Variants in KLHL1 observed in about 807,000 individuals in gnomAD.
The protein encoded by KLHL1 is kelch like family member 1, also known as kelch-like protein 1.
A neutral mutation model predicts 77.7 loss-of-function variants in KLHL1; 47 were observed. The ratio of observed to expected loss-of-function variants is 0.60; its 90% CI spans 0.48 to 0.77. The LOEUF is 0.77. Among genes scored for constraint, KLHL1 ranks in the 30% least tolerant of loss-of-function variants. The pLI, the probability that KLHL1 is intolerant of heterozygous loss-of-function variation, is 0.00. For missense variants in KLHL1, 925 were observed against 910.8 expected (o/e 1.02, Z -0.20); for synonymous variants, 360 against 325.2 (o/e 1.11, Z -1.15).
intron 9 of KLHL1, among the ~76,000 whole-genome samples, chr13:69,708,109 A>AT (rs1875709904): frequency 6.6e-6 from 1 of 152,022 alleles, no homozygotes; most frequent in African/African-American, 2.4e-5. Flanking sequence ...GAATTAGGGT[A>AT]TTTAAAACAC....
At position 69,838,415 on chromosome 13, in the gene KLHL1, A is replaced by G. The variant is rs146563266; in HGVS notation, c.1414+561T>C. On this transcript the variant is annotated intron_variant, in intron 6 of 10. Transcript: ENST00000377844. ...GGACAAATTTTTGGAGATTTTTCCAATAACTCTAAAAACGTAAGAATAAAA... is the reference window on the plus strand; with the variant it reads ...GGACAAATTTTTGGAGATTTTTCCAGTAACTCTAAAAACGTAAGAATAAAA... 8.6e-4 allele frequency among the ~76,000 whole-genome samples: 130 copies of G among 151,956 alleles called. 2 individuals carry two copies. The highest frequency in any genetic ancestry group is 3.1e-3 in the African/African-American group (127 of 41,566).
rs980418852 is a variant in KLHL1, at chr13:70,071,398, C to A, written c.497+35805G>T. On this transcript the variant is annotated intron_variant, in intron 1 of 10. Transcript: ENST00000377844. ...AGAACTCCAAGGAAAAATAGATAAACCCCCTATGTTACAGACTTCAATGCA... is the reference window on the plus strand; with the variant it reads ...AGAACTCCAAGGAAAAATAGATAAAACCCCTATGTTACAGACTTCAATGCA... Among the ~76,000 whole-genome samples, 2 of 151,868 alleles carry A rather than the reference C, an allele frequency of 1.3e-5. 1 individual carries two copies. The highest frequency in any genetic ancestry group is 4.1e-4 in the South Asian group (2 of 4,824).
At chr13:69,835,688 G>A (rs576066280) in intron 6 of KLHL1, among the ~76,000 whole-genome samples, 1 of 152,102 alleles carries the variant, frequency 6.6e-6, no homozygotes, top group Admixed American at 6.6e-5. Context: ...AATATTACCT[G>A]ACACAGAAGG....
At chr13:70,054,538 A>G (rs1055802229) in intron 1 of KLHL1, among the ~76,000 whole-genome samples, 4 of 152,086 alleles carry the variant, frequency 2.6e-5, no homozygotes, top group Non-Finnish European at 1.5e-5. Flanking sequence ...TAATATTGTC[A>G]TGAACATTCT....
rs1036039613 is a variant in KLHL1 at position 69,781,916 on chromosome 13, A to C, written c.1639+14822T>G. On this transcript the variant is annotated intron_variant, in intron 7 of 10. Coordinates refer to ENST00000377844, the MANE Select transcript of KLHL1 (RefSeq NM_020866.3). Reference sequence around the variant, plus strand: ...TCTATTTTCCCATAATTTAATAGTCATTTTATTGCTTTTAAAGAGATGACA... The same window carrying C: ...TCTATTTTCCCATAATTTAATAGTCCTTTTATTGCTTTTAAAGAGATGACA... Among the ~76,000 whole-genome samples, 13 of 152,214 alleles carry C rather than the reference A, an allele frequency of 8.5e-5. 1 individual carries two copies. The highest frequency in any genetic ancestry group is 3.1e-4 in the African/African-American group (13 of 41,540).
rs978369779 is a variant in KLHL1 at position 69,937,075 on chromosome 13, G to T, written c.1014+2965C>A. Among the ~76,000 whole-genome samples the T allele has an allele frequency of 2.6e-5, 4 of 152,148 alleles. No homozygotes were observed. The East Asian group carries it at 7.7e-4, about 29-fold the overall frequency. ...AGAGAAAGGATTGCTGGATAAAAATGTTCCACGTGTGTCCCCCAAAAGGCA... is the reference window on the plus strand; with the variant it reads ...AGAGAAAGGATTGCTGGATAAAAATTTTCCACGTGTGTCCCCCAAAAGGCA... On this transcript the variant is annotated intron_variant, in intron 4 of 10. Coordinates refer to ENST00000377844, the MANE Select transcript of KLHL1 (RefSeq NM_020866.3).
intron 1 of KLHL1, among the ~76,000 whole-genome samples, chr13:70,089,226 A>C (rs2137439782): frequency 6.6e-6 from 1 of 152,264 alleles, no homozygotes; most frequent in Non-Finnish European, 1.5e-5. Context: ...CATGCTGACT[A>C]ATGCCAGATG....
chr13:69,753,407 C>T (rs945156990), intron 7 of KLHL1, among the ~76,000 whole-genome samples: 13 of 152,214 alleles, frequency 8.5e-5, no homozygotes, highest in Admixed American at 3.3e-4. Flanking sequence ...TAACCTGGCT[C>T]CAGCCTTTAG....
chr13:70,063,315 A>C (rs984188931), intron 1 of KLHL1, among the ~76,000 whole-genome samples: 6 of 152,132 alleles, frequency 3.9e-5, no homozygotes, highest in Non-Finnish European at 8.8e-5. Context: ...ATGAATAACA[A>C]GTGCATAATT....
At chr13:70,051,075 T>C (rs560614154) in intron 1 of KLHL1, among the ~76,000 whole-genome samples, 2 of 152,014 alleles carry the variant, frequency 1.3e-5, no homozygotes, top group East Asian at 1.9e-4. Context: ...ATATTGGAAA[T>C]GTCTAAATCA....
At chr13:70,041,268 T>C (rs1264091378) in intron 1 of KLHL1, among the ~76,000 whole-genome samples, 2 of 152,178 alleles carry the variant, frequency 1.3e-5, no homozygotes, top group East Asian at 3.9e-4. Context: ...CTTCATTCAG[T>C]TGGAGATCTT....
At chr13:69,772,658 T>C (rs1875627978) in intron 7 of KLHL1, among the ~76,000 whole-genome samples, 1 of 152,186 alleles carries the variant, frequency 6.6e-6, no homozygotes, top group Non-Finnish European at 1.5e-5. Flanking sequence ...ATTTTTCTTT[T>C]AGAATATTTT....
At chr13:70,024,617 G>GA (rs1885885725) in intron 1 of KLHL1, among the ~76,000 whole-genome samples, 1 of 69,784 alleles carries the variant, frequency 1.4e-5, no homozygotes, top group Admixed American at 1.6e-4. Context: ...GAGGAGAAAA[G>GA]ATTTCTCTCT....
intron 7 of KLHL1, among the ~76,000 whole-genome samples, chr13:69,784,882 ATTTTTTTTTT>A (rs775109435): frequency 1.3e-5 from 1 of 79,484 alleles, no homozygotes. Flanking sequence ...CAGAATATAC[ATTTTTTTTTT>A]TTTTTTTTTT....
intron 4 of KLHL1, among the ~76,000 whole-genome samples, chr13:69,889,753 G>A (rs1361936983): frequency 1.3e-5 from 2 of 152,000 alleles, no homozygotes; most frequent in Non-Finnish European, 2.9e-5. Flanking sequence ...GTATGTAAAT[G>A]AGGATGAAAA....
intron 5 of KLHL1, among the ~76,000 whole-genome samples, chr13:69,865,560 G>T (rs1005304679): frequency 2.0e-5 from 3 of 152,114 alleles, no homozygotes; most frequent in Non-Finnish European, 4.4e-5. Context: ...CATGAATACA[G>T]GTGGGAAAAG....
At chr13:69,941,395 T>C (rs1040780433) in intron 3 of KLHL1, among the ~76,000 whole-genome samples, 1 of 152,034 alleles carries the variant, frequency 6.6e-6, no homozygotes, top group East Asian at 1.9e-4. Flanking sequence ...AATTCTTTGA[T>C]CTGAATGATA....
At chr13:69,902,940 C>A (rs1881921070) in intron 4 of KLHL1, among the ~76,000 whole-genome samples, 4 of 152,194 alleles carry the variant, frequency 2.6e-5, no homozygotes, top group East Asian at 3.9e-4. Flanking sequence ...AATACCATAG[C>A]TTTTCCATTA....
chr13:70,036,981 C>T (rs1014218333), intron 1 of KLHL1, among the ~76,000 whole-genome samples: 42 of 151,490 alleles, frequency 2.8e-4, no homozygotes, highest in African/African-American at 9.2e-4. Flanking sequence ...TTTCCCAGAC[C>T]AGAGAAGAAC....
Sources: allele counts gnomAD v4.1 joint callset (sites outside exome capture counted in the v4.1 genomes callset), GRCh38; gene constraint gnomAD v4.1.1; transcripts MANE v1.5; gene names NCBI Gene and HGNC (gene_info 2026-07-23, HGNC 2026-07-21).